Variants in TBC1D5 observed in about 807,000 individuals in gnomAD.
TBC1D5 encodes TBC1 domain family member 5.
In TBC1D5, 75 loss-of-function variants were observed where a neutral mutation model predicts 100.3. The ratio of observed to expected loss-of-function variants is 0.75; its 90% CI spans 0.62 to 0.91. TBC1D5 has a LOEUF of 0.91. TBC1D5 is among the 40% of genes least tolerant of loss of function. TBC1D5 has a pLI of 0.00. For missense variants in TBC1D5, 910 were observed against 942.4 expected (o/e 0.97, Z 0.45); for synonymous variants, 323 against 325.6 (o/e 0.99, Z 0.09).
At chr3:17,401,326 AAT>A (rs2093640640) in intron 8 of TBC1D5, among the ~76,000 whole-genome samples, 4 of 11,952 alleles carry the variant, frequency 3.3e-4, no homozygotes, top group Non-Finnish European at 5.3e-4. Flanking sequence ...GTATGTGTAT[AAT>A]ATACATATAT....
chr3:17,308,258 T>C lies in TBC1D5; in HGVS notation c.996-124A>G. On this transcript the variant is annotated intron_variant, in intron 13 of 21. Transcript: ENST00000253692. ...GTGAGCAAATATTATATATCAAAAA[T>C]ATAATATAGTAAAATCTATATTTTA... 9.0e-6 allele frequency: 8 copies of C among 888,592 alleles called. No individual in the cohort carries two copies. The East Asian group carries it at 2.3e-4, about 25-fold the overall frequency. 55.0% of individuals were successfully genotyped at this position (888,592 alleles called of 1,614,324 possible). A position where few individuals can be genotyped will look rare whatever the true frequency, so the allele number is the denominator to read the frequency against.
intron 13 of TBC1D5, among the ~76,000 whole-genome samples, chr3:17,338,761 C>T (rs947682849): frequency 6.6e-6 from 1 of 152,162 alleles, no homozygotes; most frequent in African/African-American, 2.4e-5. Flanking sequence ...CACATACTTA[C>T]GTCTTGTAAT....
intron 2 of TBC1D5, among the ~76,000 whole-genome samples, chr3:17,617,679 T>G (rs1328348774): frequency 6.6e-6 from 1 of 152,244 alleles, no homozygotes; most frequent in Non-Finnish European, 1.5e-5. Flanking sequence ...TTCTTCCACT[T>G]GATCAAATCT....
At chr3:17,536,678 G>A (rs538999585) in intron 2 of TBC1D5, among the ~76,000 whole-genome samples, 1 of 152,286 alleles carries the variant, frequency 6.6e-6, no homozygotes, top group Non-Finnish European at 1.5e-5. Context: ...TTTTATGCAT[G>A]TTAGGGAGAT....
At chr3:17,432,560 AT>A (rs746265722) in intron 3 of TBC1D5, among the ~76,000 whole-genome samples, 4 of 152,200 alleles carry the variant, frequency 2.6e-5, no homozygotes, top group South Asian at 2.1e-4. Context: ...ACAGAAAAAA[AT>A]GTGTCAATTT....
intron 3 of TBC1D5, among the ~76,000 whole-genome samples, chr3:17,495,967 G>A (rs1576357210): frequency 6.6e-6 from 1 of 152,044 alleles, no homozygotes; most frequent in African/African-American, 2.4e-5. Context: ...TACTATTCAG[G>A]CAATAGTGTT....
chr3:17,448,082 G>A (rs570859944), intron 3 of TBC1D5, among the ~76,000 whole-genome samples: 10 of 152,236 alleles, frequency 6.6e-5, no homozygotes, highest in African/African-American at 2.2e-4. Context: ...GCAGATCACC[G>A]GAGCCCTCGG....
intron 13 of TBC1D5, among the ~76,000 whole-genome samples, chr3:17,329,731 C>G (rs531587080): frequency 2.0e-5 from 3 of 152,234 alleles, no homozygotes; most frequent in African/African-American, 7.2e-5. Flanking sequence ...TGAACATTTC[C>G]TTGGTCTCAC....
chr3:17,441,838 A>G (rs1441893877), intron 3 of TBC1D5, among the ~76,000 whole-genome samples: 1 of 152,218 alleles, frequency 6.6e-6, no homozygotes, highest in Non-Finnish European at 1.5e-5. Context: ...TGATTTCTCA[A>G]TAAGACTTAA....
chr3:17,701,756 A>C (rs2073244299), intron 1 of TBC1D5, among the ~76,000 whole-genome samples: 1 of 152,202 alleles, frequency 6.6e-6, no homozygotes, highest in African/African-American at 2.4e-5. Flanking sequence ...CTGAGAGTAA[A>C]GATGCAGGTA....
At chr3:17,653,943 G>T (rs1269498673) in intron 1 of TBC1D5, among the ~76,000 whole-genome samples, 2 of 152,074 alleles carry the variant, frequency 1.3e-5, no homozygotes, top group South Asian at 4.2e-4. Flanking sequence ...GATTAGAGGG[G>T]TTATTCTAAT....
At chr3:17,733,392 C>G (rs1305939677) in intron 1 of TBC1D5, among the ~76,000 whole-genome samples, 1 of 152,186 alleles carries the variant, frequency 6.6e-6, no homozygotes, top group Non-Finnish European at 1.5e-5. Context: ...TTTGCACAGT[C>G]TGAGCTCTGT....
chr3:17,485,529 C>T (rs2095554511), intron 3 of TBC1D5, among the ~76,000 whole-genome samples: 2 of 126,760 alleles, frequency 1.6e-5, no homozygotes, highest in South Asian at 2.8e-4. Flanking sequence ...GTGTGATGTT[C>T]CCCTTCCTGT....
intron 8 of TBC1D5, among the ~76,000 whole-genome samples, chr3:17,390,560 G>T (rs2093321997): frequency 6.6e-6 from 1 of 152,018 alleles, no homozygotes; most frequent in Non-Finnish European, 1.5e-5. Context: ...CTTGGTGAGG[G>T]TTTATAATCA....
chr3:17,698,729 C>T (rs1267621608), intron 1 of TBC1D5, among the ~76,000 whole-genome samples: 3 of 150,446 alleles, frequency 2.0e-5, no homozygotes, highest in Admixed American at 2.0e-4. Flanking sequence ...AAAAAGTGGG[C>T]AAAGGATATG....
chr3:17,715,598 G>C (rs149982532), intron 1 of TBC1D5, among the ~76,000 whole-genome samples: 142 of 152,284 alleles, frequency 9.3e-4, no homozygotes, highest in African/African-American at 3.3e-3. Flanking sequence ...CTTCAGGCCA[G>C]GAGTTCACAA....
intron 1 of TBC1D5, among the ~76,000 whole-genome samples, chr3:17,713,485 G>A (rs1005833712): frequency 5.3e-5 from 8 of 151,896 alleles, no homozygotes; most frequent in South Asian, 4.1e-4. Context: ...CTCATGATCC[G>A]CCCGCCTTGG....
At chr3:17,672,862 G>A (rs182793866) in intron 1 of TBC1D5, among the ~76,000 whole-genome samples, 6 of 152,134 alleles carry the variant, frequency 3.9e-5, no homozygotes, top group African/African-American at 1.4e-4. Context: ...GAGCCCTACA[G>A]AGCTCCATGA....
chr3:17,391,078 G>A (rs571466216), intron 8 of TBC1D5, among the ~76,000 whole-genome samples: 2 of 152,168 alleles, frequency 1.3e-5, no homozygotes, highest in South Asian at 2.1e-4. Flanking sequence ...ACATTTCCCC[G>A]TCTAGTAGAC....
Sources: gnomAD v4.1 joint callset for allele counts (sites outside exome capture counted in the v4.1 genomes callset) on GRCh38, gnomAD v4.1.1 for gene constraint, MANE v1.5 for transcripts, NCBI Gene and HGNC (gene_info 2026-07-23, HGNC 2026-07-21) for gene names.